Variants in MNAT1 observed in about 807,000 individuals in gnomAD.
The protein encoded by MNAT1 is CDK-activating kinase assembly factor MAT1.
MNAT1 carries 43 observed loss-of-function variants against 42.0 expected under a neutral mutation model. The ratio of observed to expected loss-of-function variants is 1.02; its 90% CI spans 0.80 to 1.32. The LOEUF is 1.32. MNAT1 is among the 40% of genes most tolerant of loss of function. The pLI is 0.00. For missense variants in MNAT1, 306 were observed against 350.4 expected (o/e 0.87, Z 1.01); for synonymous variants, 118 against 120.0 (o/e 0.98, Z 0.11).
chr14:60,816,503 T>C (rs2032720310), intron 5 of MNAT1, among the ~76,000 whole-genome samples: 2 of 152,076 alleles, frequency 1.3e-5, no homozygotes, highest in African/African-American at 4.8e-5. Context: ...TTAAAGTCAG[T>C]TAAAATAATC....
chr14:60,741,651 G>C (rs555095863), intron 1 of MNAT1, among the ~76,000 whole-genome samples: 1 of 144,430 alleles, frequency 6.9e-6, no homozygotes, highest in Non-Finnish European at 1.5e-5. Flanking sequence ...GAGCCACTGC[G>C]CCTGGGGTTT....
In MNAT1 at chr14:60,780,354, A is replaced by T; in HGVS notation, c.90-15863A>T. 2.5e-6 allele frequency: 4 copies of T among 1,576,958 alleles called. No homozygotes were observed. In the Admixed American group the frequency reaches 5.0e-5, roughly 20 times the overall value. ...GAAAAGTCTCAGAAAGCTATTCAGG[A>T]TGAAATCCGTTCAGTCATCAGACAG... On this transcript the variant is annotated intron_variant, in intron 1 of 7. Transcript: ENST00000261245.
At position 60,811,599 on chromosome 14, in the gene MNAT1, G is replaced by C. The variant is rs575953045; in HGVS notation, c.421-388G>C. Among the ~76,000 whole-genome samples the C allele has an allele frequency of 1.2e-4, 18 of 152,126 alleles. No individual in the cohort carries two copies. The East Asian group carries it at 3.3e-3, about 28-fold the overall frequency. The stretch of plus-strand genomic sequence containing the variant: ...TTACAGGTGTGAGCCGCTGCGTAGG[G>C]CTCTTATTTCTTATCTGGGTTATTT... On this transcript the variant is annotated intron_variant, in intron 4 of 7. Transcript: ENST00000261245.
intron 3 of MNAT1, among the ~76,000 whole-genome samples, chr14:60,805,227 T>C (rs2032330795): frequency 6.6e-6 from 1 of 152,186 alleles, no homozygotes; most frequent in Admixed American, 6.5e-5. Context: ...TTTTTTCTTT[T>C]TTTTTAAAAG....
chr14:60,943,088 C>T (rs544628123), intron 7 of MNAT1, among the ~76,000 whole-genome samples: 39 of 107,468 alleles, frequency 3.6e-4, no homozygotes, highest in Non-Finnish European at 6.2e-4. Context: ...GAGTCTTGCT[C>T]TTGTCACCCA....
Position 60,938,804 on chromosome 14 carries a change from A to G in MNAT1, c.810-29425A>G, listed in dbSNP as rs574042006. Among the ~76,000 whole-genome samples the G allele has an allele frequency of 2.6e-5, 4 of 152,294 alleles. No individual in the cohort carries two copies. The East Asian group carries it at 5.8e-4, about 22-fold the overall frequency. ...ACTGATTGGAATAGTTTCAGAAGGA[A>G]TGGTACCAGCTCCTCCTTGTACCTC... On this transcript the variant is annotated intron_variant, in intron 7 of 7. Transcript: ENST00000261245.
chr14:60,913,592 C>T (rs959371926), intron 7 of MNAT1, among the ~76,000 whole-genome samples: 2 of 152,154 alleles, frequency 1.3e-5, no homozygotes, highest in African/African-American at 4.8e-5. Context: ...TGGAGGTCCA[C>T]TCCAGACCCG....
chr14:60,778,079 C>T (rs2031316656), intron 1 of MNAT1, among the ~76,000 whole-genome samples: 2 of 152,166 alleles, frequency 1.3e-5, no homozygotes, highest in South Asian at 4.1e-4. Flanking sequence ...TTCTGAGTCA[C>T]TATTCAGCCC....
intron 3 of MNAT1, among the ~76,000 whole-genome samples, chr14:60,807,646 T>A (rs1024540798): frequency 6.6e-6 from 1 of 152,206 alleles, no homozygotes; most frequent in Non-Finnish European, 1.5e-5. Context: ...GCATTCATAA[T>A]TCAAATTATT....
intron 5 of MNAT1, among the ~76,000 whole-genome samples, chr14:60,814,228 C>T (rs1229897564): frequency 6.6e-6 from 1 of 151,952 alleles, no homozygotes; most frequent in African/African-American, 2.4e-5. Context: ...AAAGAAATAG[C>T]GGGGTTTTTG....
At chr14:60,760,837 G>C (rs2030569430) in intron 1 of MNAT1, among the ~76,000 whole-genome samples, 1 of 152,186 alleles carries the variant, frequency 6.6e-6, no homozygotes, top group South Asian at 2.1e-4. Context: ...AAGGCTAATG[G>C]ATTCCACACA....
At chr14:60,742,106 G>T (rs967365842) in intron 1 of MNAT1, among the ~76,000 whole-genome samples, 1 of 151,584 alleles carries the variant, frequency 6.6e-6, no homozygotes, top group Non-Finnish European at 1.5e-5. Context: ...TTAAATAAGA[G>T]ACAGGATCTC....
Position 60,796,381 on chromosome 14 carries a change from T to C in MNAT1, c.242+12T>C. 1.2e-6 allele frequency: 2 copies of C among 1,603,340 alleles called. No homozygotes were observed. The highest frequency in any genetic ancestry group is 1.7e-6 in the Non-Finnish European group (2 of 1,174,564). ...AAAGTGCTAAAGATGTAAGTATTCC[T>C]GCTCGAATGATTCAGTCAACAAAGA... is the stretch of plus-strand genomic sequence containing the variant. On this transcript the variant is annotated intron_variant, in intron 2 of 7. Transcript: ENST00000261245.
intron 6 of MNAT1, among the ~76,000 whole-genome samples, chr14:60,835,354 C>G (rs552792550): frequency 6.6e-6 from 1 of 152,230 alleles, no homozygotes; most frequent in East Asian, 1.9e-4. Context: ...ATGGTCTTTA[C>G]AATTTGCCTT....
At chr14:60,881,163 T>C (rs141911310) in intron 7 of MNAT1, among the ~76,000 whole-genome samples, 269 of 152,286 alleles carry the variant, frequency 1.8e-3, no homozygotes, top group Middle Eastern at 6.8e-3. Context: ...GGTAGCTTTC[T>C]TCTGTTCCTA....
chr14:60,898,601 A>T (rs893524049), intron 7 of MNAT1, among the ~76,000 whole-genome samples: 1 of 151,854 alleles, frequency 6.6e-6, no homozygotes, highest in Non-Finnish European at 1.5e-5. Flanking sequence ...CCTACTTTTT[A>T]ATGAGATTAC....
chr14:60,865,188 G>GA (rs985105021), intron 6 of MNAT1, among the ~76,000 whole-genome samples: 1 of 151,866 alleles, frequency 6.6e-6, no homozygotes, highest in Non-Finnish European at 1.5e-5. Flanking sequence ...TCTTTTCACG[G>GA]AAAAATATTT....
At chr14:60,801,959 C>T (rs2032215535) in intron 3 of MNAT1, among the ~76,000 whole-genome samples, 1 of 152,144 alleles carries the variant, frequency 6.6e-6, no homozygotes. Flanking sequence ...GAAGGTAATT[C>T]TGTAATATGC....
intron 7 of MNAT1, among the ~76,000 whole-genome samples, chr14:60,896,814 G>A (rs1181464958): frequency 6.6e-6 from 1 of 152,018 alleles, no homozygotes; most frequent in South Asian, 2.1e-4. Context: ...AAGTATACAA[G>A]TGATTTATTT....
Sources: allele counts gnomAD v4.1 joint callset (sites outside exome capture counted in the v4.1 genomes callset), GRCh38; gene constraint gnomAD v4.1.1; transcripts MANE v1.5; gene names NCBI Gene and HGNC (gene_info 2026-07-23, HGNC 2026-07-21).